THSD7A: variants seen among roughly 807,000 people sequenced by gnomAD.
The protein encoded by THSD7A is thrombospondin type 1 domain containing 7A, also known as thrombospondin type-1 domain-containing protein 7A.
A neutral mutation model predicts 231.3 loss-of-function variants in THSD7A; 96 were observed. The ratio of observed to expected loss-of-function variants is 0.41; its 90% CI spans 0.35 to 0.49. THSD7A has a LOEUF of 0.49. THSD7A is among the 20% of genes least tolerant of loss of function. The pLI is 0.05. For missense variants in THSD7A, 2,290 were observed against 2,070.2 expected (o/e 1.11, Z -2.06); for synonymous variants, 940 against 743.3 (o/e 1.26, Z -4.30).
At chr7:11,605,271 A>T in intron 2 of THSD7A, among the ~76,000 whole-genome samples, 1 of 152,140 alleles carries the variant, frequency 6.6e-6, no homozygotes. Flanking sequence ...AATATGGAAA[A>T]AAACAAATGA....
At chr7:11,537,668 C>A (rs1314224036) in intron 6 of THSD7A, among the ~76,000 whole-genome samples, 1 of 152,070 alleles carries the variant, frequency 6.6e-6, no homozygotes, top group Non-Finnish European at 1.5e-5. Flanking sequence ...GGACTGCGAG[C>A]CAATTAAACC....
chr7:11,575,606 G>C (rs1325413308), intron 4 of THSD7A, among the ~76,000 whole-genome samples: 3 of 152,144 alleles, frequency 2.0e-5, no homozygotes, highest in Admixed American at 6.5e-5. Flanking sequence ...TTGTGTCAGG[G>C]GATATAACGG....
intron 1 of THSD7A, among the ~76,000 whole-genome samples, chr7:11,797,211 AG>A (rs1784149295): frequency 6.6e-6 from 1 of 152,120 alleles, no homozygotes; most frequent in African/African-American, 2.4e-5. Context: ...GAAATACAAA[AG>A]TTTGCTTTCA....
intron 6 of THSD7A, among the ~76,000 whole-genome samples, chr7:11,487,483 T>C (rs1013186898): frequency 6.6e-6 from 1 of 152,184 alleles, no homozygotes; most frequent in African/African-American, 2.4e-5. Context: ...CAAAAATTAA[T>C]ACATTAAACA....
At chr7:11,395,750 A>G (rs1369078619) in intron 23 of THSD7A, among the ~76,000 whole-genome samples, 1 of 151,948 alleles carries the variant, frequency 6.6e-6, no homozygotes, top group African/African-American at 2.4e-5. Context: ...CTGTTCTCAA[A>G]CTACCGACCT....
At chr7:11,603,579 G>A (rs1001619619) in intron 2 of THSD7A, among the ~76,000 whole-genome samples, 2 of 151,802 alleles carry the variant, frequency 1.3e-5, no homozygotes, top group African/African-American at 2.4e-5. Context: ...ACATGCACAC[G>A]TATGTTTATT....
At chr7:11,755,375 A>G (rs1463980169) in intron 1 of THSD7A, among the ~76,000 whole-genome samples, 2 of 152,122 alleles carry the variant, frequency 1.3e-5, no homozygotes, top group Non-Finnish European at 2.9e-5. Flanking sequence ...ATTTGGTCAT[A>G]GGCAAAAATC....
chr7:11,546,398 T>C (rs1283507517), intron 4 of THSD7A, among the ~76,000 whole-genome samples: 4 of 152,078 alleles, frequency 2.6e-5, no homozygotes, highest in Non-Finnish European at 4.4e-5. Context: ...GTGCTTAACC[T>C]TGAGGGGCCA....
chr7:11,607,945 C>T (rs1439886612), intron 2 of THSD7A, among the ~76,000 whole-genome samples: 1 of 152,118 alleles, frequency 6.6e-6, no homozygotes, highest in Non-Finnish European at 1.5e-5. Flanking sequence ...AGGATATCAG[C>T]ATGGCACATA....
Position 11,375,877 on chromosome 7 carries a change from TG to T in THSD7A, c.4890del (p.Cys1630Ter). The T allele has an allele frequency of 6.2e-7, 1 of 1,612,520 alleles. No homozygotes were observed. The highest frequency in any genetic ancestry group is 8.5e-7 in the Non-Finnish European group (1 of 1,178,920). On this transcript the variant is annotated frameshift_variant and splice_region_variant, in exon 28 of 28. Coordinates refer to ENST00000423059, the MANE Select transcript of THSD7A (RefSeq NM_015204.3). LOFTEE classifies it high-confidence loss of function. The stretch of plus-strand genomic sequence containing the variant: ...CTTCTTTGGGGTTTCTTTGGCTTTT[TG>T]CTGTAAAAAAATTCGGAATTAGGAG... ...IFIVSMIYLA[C>X]KKPKKPQRRQ...
At chr7:11,652,098 G>A (rs893223643) in intron 1 of THSD7A, among the ~76,000 whole-genome samples, 2 of 151,838 alleles carry the variant, frequency 1.3e-5, no homozygotes, top group Non-Finnish European at 2.9e-5. Context: ...GTCCATGGCT[G>A]TTACGTTTCC....
Position 11,417,510 on chromosome 7 carries a change from T to A in THSD7A, c.3477A>T (p.Lys1159Asn). The A allele has an allele frequency of 1.2e-6, 2 of 1,613,730 alleles. No individual in the cohort carries two copies. Among genetic ancestry groups the A allele is most frequent in the East Asian group, 4.5e-5 (2 of 44,864 alleles). The change falls in exon 17 of 28, where the codon AAA becomes AAT. Residue 1159 changes from lysine to asparagine, a missense_variant. Lys to Asn is a moderately conservative substitution (Grantham distance 94, BLOSUM62 0). Transcript: ENST00000423059. ...EEMPLGSRVCKLPCPEDCVIS... is the reference protein window; with the variant it reads ...EEMPLGSRVCNLPCPEDCVIS... The stretch of plus-strand genomic sequence containing the variant: ...TCACACAGTCCTCAGGGCATGGTAA[T>A]TTGCACACTCTAGAGCCCAGGGGCA...
intron 4 of THSD7A, among the ~76,000 whole-genome samples, chr7:11,577,556 A>C (rs568643620): frequency 6.6e-6 from 1 of 151,654 alleles, no homozygotes; most frequent in Non-Finnish European, 1.5e-5. Context: ...GCTTCAAGTG[A>C]TCTGCCCGCC....
intron 6 of THSD7A, among the ~76,000 whole-genome samples, chr7:11,511,689 T>C (rs1787815969): frequency 6.6e-6 from 1 of 152,168 alleles, no homozygotes; most frequent in South Asian, 2.1e-4. Context: ...GGGGAAAGGA[T>C]TCCCTATTTA....
At chr7:11,422,624 T>C (rs906068659) in intron 16 of THSD7A, among the ~76,000 whole-genome samples, 4 of 137,396 alleles carry the variant, frequency 2.9e-5, no homozygotes, top group African/African-American at 1.1e-4. Flanking sequence ...AAAAGTAACA[T>C]GTACACAGAT....
At chr7:11,734,580 C>T (rs535153971) in intron 1 of THSD7A, among the ~76,000 whole-genome samples, 1 of 151,904 alleles carries the variant, frequency 6.6e-6, no homozygotes. Context: ...TATTTTCCAA[C>T]CTGACATGTC....
chr7:11,461,529 G>T (rs1454679965), intron 10 of THSD7A, among the ~76,000 whole-genome samples: 1 of 152,062 alleles, frequency 6.6e-6, no homozygotes, highest in Non-Finnish European at 1.5e-5. Context: ...AATTTTATTT[G>T]AGGTGATCAC....
rs1331329305 is a variant in THSD7A, at chr7:11,372,326, A to G, written c.*3468T>C. 7.2e-6 allele frequency: 1 copy of G among 139,510 alleles called. No homozygotes were observed. The highest frequency in any genetic ancestry group is 1.6e-5 in the Non-Finnish European group (1 of 64,206). The allele number at this position is 139,510 out of a possible 1,614,324, so 8.6% of individuals were successfully genotyped here. ...TCTGTCTTAAGTACCTATGTATACA[A>G]AAGCCATTACTTTTTTTTTTTTTTT... On this transcript the variant is annotated 3_prime_UTR_variant, in exon 28 of 28. Transcript: ENST00000423059.
chr7:11,560,400 T>C (rs1326894671), intron 4 of THSD7A, among the ~76,000 whole-genome samples: 1 of 151,936 alleles, frequency 6.6e-6, no homozygotes, highest in Non-Finnish European at 1.5e-5. Context: ...GCACATCACA[T>C]ATTCTGTGAC....
Sources: allele counts gnomAD v4.1 joint callset (sites outside exome capture counted in the v4.1 genomes callset), GRCh38; gene constraint gnomAD v4.1.1; transcripts MANE v1.5; gene names NCBI Gene and HGNC (gene_info 2026-07-23, HGNC 2026-07-21).